Variants in SLC35B4 observed in about 807,000 individuals in gnomAD.
SLC35B4 encodes the protein solute carrier family 35 member B4.
In SLC35B4, 28 loss-of-function variants were observed where a neutral mutation model predicts 39.5. That is an observed-to-expected ratio of 0.71 (90% CI 0.53 to 0.97). SLC35B4 has a LOEUF of 0.97. Ranked by LOEUF, SLC35B4 falls within the 50% of genes least tolerant of loss-of-function variation. The pLI, the probability that SLC35B4 is intolerant of heterozygous loss-of-function variation, is 0.00. For missense variants in SLC35B4, 334 were observed against 414.3 expected, an observed-to-expected ratio of 0.81 and a Z score of 1.68; for synonymous variants, 145 against 150.4, an observed-to-expected ratio of 0.96 and a Z score of 0.26.
At chr7:134,311,273 T>A (rs1387883120) in intron 1 of SLC35B4, among the ~76,000 whole-genome samples, 1 of 152,218 alleles carries the variant, frequency 6.6e-6, no homozygotes, top group Non-Finnish European at 1.5e-5. Context: ...AGCCTAAATA[T>A]GAGTGACAGA....
At chr7:134,312,859 T>C (rs973551186) in intron 1 of SLC35B4, among the ~76,000 whole-genome samples, 1 of 152,180 alleles carries the variant, frequency 6.6e-6, no homozygotes, top group Admixed American at 6.5e-5. Flanking sequence ...ATTATGATTA[T>C]TACAATTCAG....
chr7:134,296,933 A>G (rs1278010512), intron 8 of SLC35B4, among the ~76,000 whole-genome samples: 1 of 152,166 alleles, frequency 6.6e-6, no homozygotes, highest in East Asian at 1.9e-4. Flanking sequence ...TTATTAATTT[A>G]TTTTTGAGAC....
chr7:134,294,564 T>G lies in SLC35B4; in HGVS notation c.*269A>C. ...AGAATTCAGAAAACAAGAATAATAC[T>G]GAATATGTCGGTAAACAAAACAGAA... On this transcript the variant is annotated 3_prime_UTR_variant, in exon 10 of 10. Transcript: ENST00000378509. 2.8e-6 allele frequency: 1 copy of G among 359,396 alleles called. No homozygotes were observed. The highest frequency in any genetic ancestry group is 2.0e-5 in the African/African-American group (1 of 49,320). 22.3% of individuals were successfully genotyped at this position (359,396 alleles called of 1,614,324 possible). A position where few individuals can be genotyped will look rare whatever the true frequency, so the allele number is the denominator to read the frequency against.
At chr7:134,316,530 T>C (rs1176407781) in intron 1 of SLC35B4, 145 bp downstream of exon 1, 18 of 774,648 alleles carry the variant, frequency 2.3e-5, no homozygotes, top group East Asian at 2.7e-5. Context: ...ACAGGACGGA[T>C]TGCTGGGGGG....
chr7:134,297,270 C>T (rs1487004253), intron 8 of SLC35B4, among the ~76,000 whole-genome samples: 1 of 152,180 alleles, frequency 6.6e-6, no homozygotes, highest in Admixed American at 6.5e-5. Flanking sequence ...GGTAATGGAA[C>T]TGGCAGCCAC....
intron 3 of SLC35B4, 133 bp from the exon 4 acceptor site, chr7:134,304,987 AT>A: frequency 1.4e-6 from 1 of 698,116 alleles, no homozygotes; most frequent in Non-Finnish European, 2.5e-6. Context: ...ATTAGTAAAG[AT>A]TTAGTTGTTC....
chr7:134,306,574 A>G, intron 3 of SLC35B4, 98 bp downstream of exon 3: 2 of 942,240 alleles, frequency 2.1e-6, no homozygotes, highest in East Asian at 2.7e-5. Flanking sequence ...ACCCAAGACC[A>G]CTTACTACAA....
chr7:134,307,040 T>C (rs1025965520), intron 2 of SLC35B4, among the ~76,000 whole-genome samples: 3 of 152,322 alleles, frequency 2.0e-5, no homozygotes, highest in Middle Eastern at 6.8e-3. Context: ...CTTAAAATGA[T>C]TGTATTGATT....
At chr7:134,297,213 G>A (rs1031414759) in intron 8 of SLC35B4, among the ~76,000 whole-genome samples, 10 of 152,298 alleles carry the variant, frequency 6.6e-5, no homozygotes, top group African/African-American at 9.6e-5. Flanking sequence ...GAGCCACTGC[G>A]CCTAGCCAAT....
At chr7:134,307,473 CT>C (rs1312575313) in intron 2 of SLC35B4, among the ~76,000 whole-genome samples, 2 of 151,942 alleles carry the variant, frequency 1.3e-5, no homozygotes, top group Admixed American at 1.3e-4. Flanking sequence ...CATAAGATGC[CT>C]TCTACATATA....
In SLC35B4 at chr7:134,294,866, T is replaced by A. The variant is rs1803423417; in HGVS notation, c.963A>T (p.Lys321Asn). The change falls in exon 10 of 10, where the codon AAA becomes AAT. Residue 321 changes from lysine (K) to asparagine (N), a missense_variant. Physicochemically the swap from Lys to Asn is moderately conservative, Grantham distance 94. Coordinates refer to ENST00000378509, the MANE Select transcript of SLC35B4 (RefSeq NM_032826.5). ...TEVWNNLGTTKSEPQKDSKKN is the reference protein window; with the variant it reads ...TEVWNNLGTTNSEPQKDSKKN The stretch of plus-strand genomic sequence containing the variant: ...TCTTGCTGTCCTTCTGAGGCTCACT[T>A]TTTGTGGTCCCTAGGTTGTTCCACA... 1 of 1,614,112 alleles carries A rather than the reference T, an allele frequency of 6.2e-7. No individual in the cohort carries two copies. Among genetic ancestry groups the A allele is most frequent in the South Asian group, 1.1e-5 (1 of 91,078 alleles).
rs1803307692 is a variant in SLC35B4, at chr7:134,290,408, T to A, written c.*4425A>T. Reference sequence around the variant, plus strand: ...CAGAAACTTGAGGGAAGAAGAGATCTTGGCAAGCATTCATTTATTCACATA... The same window carrying A: ...CAGAAACTTGAGGGAAGAAGAGATCATGGCAAGCATTCATTTATTCACATA... On this transcript the variant is annotated 3_prime_UTR_variant, in exon 10 of 10. Transcript: ENST00000378509. The A allele has an allele frequency of 6.6e-6, 1 of 152,216 alleles. No individual in the cohort carries two copies. Among genetic ancestry groups the A allele is most frequent in the Admixed American group, 6.5e-5 (1 of 15,286 alleles). 9.4% of individuals were successfully genotyped at this position (152,216 alleles called of 1,614,324 possible).
rs1803399167 is a variant in SLC35B4 at position 134,294,063 on chromosome 7, G to A, written c.*770C>T. ...CCACCTCAGCCTCCCAAAGGGCTGG[G>A]ATTACAGGTGTGAGCCACCGTGCCC... is the stretch of plus-strand genomic sequence containing the variant. On this transcript the variant is annotated 3_prime_UTR_variant, in exon 10 of 10. Transcript: ENST00000378509. 1.3e-5 allele frequency: 2 copies of A among 152,420 alleles called. No individual in the cohort carries two copies. Among genetic ancestry groups the A allele is most frequent in the African/African-American group, 4.8e-5 (2 of 41,432 alleles). 9.4% of individuals were successfully genotyped at this position (152,420 alleles called of 1,614,324 possible).
At chr7:134,295,822 A>G (rs1177075759) in intron 9 of SLC35B4, among the ~76,000 whole-genome samples, 1 of 152,136 alleles carries the variant, frequency 6.6e-6, no homozygotes, top group East Asian at 1.9e-4. Context: ...GATTTATGCT[A>G]TACAGTAGTT....
At chr7:134,305,094 G>A (rs1341436878) in intron 3 of SLC35B4, among the ~76,000 whole-genome samples, 1 of 152,196 alleles carries the variant, frequency 6.6e-6, no homozygotes, top group Non-Finnish European at 1.5e-5. Context: ...AGCCGAGGTG[G>A]GCGGATCACC....
rs148682069 is a variant in SLC35B4, at chr7:134,294,878, T to C, written c.951A>G (p.Leu317=). 6.2e-6 allele frequency: 10 copies of C among 1,614,030 alleles called. No homozygotes were observed. The African/African-American group carries it at 1.3e-4, about 22-fold the overall frequency. Residue 317 remains leucine (L), a synonymous_variant, in exon 10 of 10, where the codon CTA becomes CTG. Coordinates refer to ENST00000378509, the MANE Select transcript of SLC35B4 (RefSeq NM_032826.5). ...TLMYTEVWNN[L]GTTKSEPQKD... ...TCTGAGGCTCACTTTTTGTGGTCCCTAGGTTGTTCCACACCTCTGTGTACA... is the reference window on the plus strand; with the variant it reads ...TCTGAGGCTCACTTTTTGTGGTCCCCAGGTTGTTCCACACCTCTGTGTACA...
At chr7:134,316,590 C>A in intron 1 of SLC35B4, 85 bp downstream of exon 1, 1 of 1,393,830 alleles carries the variant, frequency 7.2e-7, no homozygotes, top group Non-Finnish European at 9.8e-7. Flanking sequence ...GGGGACAGGG[C>A]GTGGGCGCGT....
At position 134,294,576 on chromosome 7, in the gene SLC35B4, T is replaced by G. The variant is rs1803412358; in HGVS notation, c.*257A>C. ...ACAAGAATAATACTGAATATGTCGG[T>G]AAACAAAACAGAAATAAATGAATGG... On this transcript the variant is annotated 3_prime_UTR_variant, in exon 10 of 10. Transcript: ENST00000378509. 1 of 398,540 alleles carries G rather than the reference T, an allele frequency of 2.5e-6. No homozygotes were observed. Among genetic ancestry groups the G allele is most frequent in the South Asian group, 3.7e-5 (1 of 27,076 alleles). 24.7% of individuals were successfully genotyped at this position (398,540 alleles called of 1,614,324 possible).
Position 134,292,902 on chromosome 7 carries a change from A to C in SLC35B4, c.*1931T>G, listed in dbSNP as rs536414256. ...CAACACATTATTACTCTGTAAACTC[A>C]GTGATTTAGGTGGAGAAATAATATC... On this transcript the variant is annotated 3_prime_UTR_variant, in exon 10 of 10. Coordinates refer to ENST00000378509, the MANE Select transcript of SLC35B4 (RefSeq NM_032826.5). 6.6e-6 allele frequency: 1 copy of C among 152,304 alleles called. No homozygotes were observed. Among genetic ancestry groups the C allele is most frequent in the Admixed American group, 6.5e-5 (1 of 15,302 alleles). The allele number at this position is 152,304 out of a possible 1,614,324, so 9.4% of individuals were successfully genotyped here.
Sources: gnomAD v4.1 joint callset for allele counts (sites outside exome capture counted in the v4.1 genomes callset) on GRCh38, gnomAD v4.1.1 for gene constraint, MANE v1.5 for transcripts, NCBI Gene and HGNC (gene_info 2026-07-23, HGNC 2026-07-21) for gene names.